The following TRMT11 variants were observed in gnomAD, a reference collection of about 807,000 sequenced individuals.
TRMT11 encodes tRNA methyltransferase 11, also known as tRNA (guanine(10)-N(2))-methyltransferase TRMT11.
A neutral mutation model predicts 62.8 loss-of-function variants in TRMT11; 53 were observed. The ratio of observed to expected loss-of-function variants is 0.84; its 90% CI spans 0.68 to 1.06. TRMT11 has a LOEUF of 1.06. Among genes scored for constraint, TRMT11 ranks in the 50% least tolerant of loss-of-function variants. The probability of loss-of-function intolerance (pLI) is 0.00; values close to 1 mark genes in which losing one functional copy is unlikely to be tolerated. For synonymous variants in TRMT11, 188 were observed against 190.3 expected, an observed-to-expected ratio of 0.99 and a Z score of 0.10; for missense variants, 556 against 553.4, an observed-to-expected ratio of 1.00 and a Z score of -0.05.
the TRMT11 span, among the ~76,000 whole-genome samples, chr6:126,233,068 G>A: frequency 1.3e-5 from 2 of 152,104 alleles, no homozygotes; most frequent in African/African-American, 4.8e-5. Flanking sequence ...AGAAGACAAT[G>A]TGGGAAGACA....
At chr6:126,256,794 T>G in the TRMT11 span, among the ~76,000 whole-genome samples, 4 of 152,290 alleles carry the variant, frequency 2.6e-5, no homozygotes, top group South Asian at 8.3e-4. Context: ...CTTTACTCCC[T>G]AGGTTCTTTT....
At chr6:126,251,511 T>C in the TRMT11 span, among the ~76,000 whole-genome samples, 1 of 152,202 alleles carries the variant, frequency 6.6e-6, no homozygotes, top group African/African-American at 2.4e-5. Context: ...AATTTTGAAG[T>C]ATACAATACA....
intron 17 of TRMT11, among the ~76,000 whole-genome samples, chr6:126,067,548 G>A (rs1193469632): frequency 6.6e-6 from 1 of 152,162 alleles, no homozygotes; most frequent in Non-Finnish European, 1.5e-5. Flanking sequence ...TTTACTGTGT[G>A]ACTATACTGT....
intron 17 of TRMT11, among the ~76,000 whole-genome samples, chr6:126,075,388 T>C (rs1776991661): frequency 1.3e-5 from 2 of 152,034 alleles, no homozygotes; most frequent in Non-Finnish European, 2.9e-5. Flanking sequence ...TGGGAGGTGA[T>C]TGGATCATGG....
At chr6:126,075,186 ACT>A (rs1464263681) in intron 17 of TRMT11, among the ~76,000 whole-genome samples, 1 of 152,068 alleles carries the variant, frequency 6.6e-6, no homozygotes, top group East Asian at 1.9e-4. Context: ...ACTGCTTTTC[ACT>A]CTCTTATTAA....
intron 3 of TRMT11, 68 bp downstream of exon 3, chr6:125,996,108 T>C: frequency 8.8e-7 from 1 of 1,134,362 alleles, no homozygotes; most frequent in Non-Finnish European, 1.3e-6. Context: ...ATCCTGTTTT[T>C]TGCTATATTG....
At chr6:126,165,570 G>C in intron 21 of TRMT11, among the ~76,000 whole-genome samples, 1 of 152,120 alleles carries the variant, frequency 6.6e-6, no homozygotes. Context: ...TGAAATTCTG[G>C]GTTGAAAATT....
intron 17 of TRMT11, among the ~76,000 whole-genome samples, chr6:126,063,134 T>C (rs1481995173): frequency 6.6e-6 from 1 of 152,214 alleles, no homozygotes; most frequent in Non-Finnish European, 1.5e-5. Context: ...CATATAGTTA[T>C]CTCTGAGTAG....
At chr6:126,258,831 A>C in the TRMT11 span, among the ~76,000 whole-genome samples, 1 of 152,026 alleles carries the variant, frequency 6.6e-6, no homozygotes, top group African/African-American at 2.4e-5. Flanking sequence ...TCTTTTTAAA[A>C]ATTAAAATTT....
chr6:126,143,020 G>A (rs1777936179), intron 21 of TRMT11, among the ~76,000 whole-genome samples: 1 of 151,982 alleles, frequency 6.6e-6, no homozygotes, highest in Admixed American at 6.6e-5. Flanking sequence ...GAAAATATTA[G>A]TTCAGGCACT....
chr6:126,002,201 T>C (rs1367890981), intron 7 of TRMT11, among the ~76,000 whole-genome samples: 4 of 152,190 alleles, frequency 2.6e-5, no homozygotes, highest in African/African-American at 7.2e-5. Context: ...ATATACACAA[T>C]ATGCATGTAA....
intron 21 of TRMT11, among the ~76,000 whole-genome samples, chr6:126,138,171 T>C (rs1209571876): frequency 6.6e-6 from 1 of 151,976 alleles, no homozygotes; most frequent in Non-Finnish European, 1.5e-5. Context: ...GTTCAATTAC[T>C]CTGACTTGAT....
At chr6:126,267,076 G>T in the TRMT11 span, among the ~76,000 whole-genome samples, 3 of 152,126 alleles carry the variant, frequency 2.0e-5, no homozygotes, top group Admixed American at 6.5e-5. Flanking sequence ...ACATGGGTCT[G>T]CCCATTGCTA....
At chr6:126,150,546 A>G (rs1044848165) in intron 21 of TRMT11, among the ~76,000 whole-genome samples, 1 of 152,188 alleles carries the variant, frequency 6.6e-6, no homozygotes, top group Non-Finnish European at 1.5e-5. Flanking sequence ...GAGTCTAGCT[A>G]GTAGCAGGTG....
chr6:126,241,743 A>C, the TRMT11 span, among the ~76,000 whole-genome samples: 1 of 152,242 alleles, frequency 6.6e-6, no homozygotes, highest in Admixed American at 6.5e-5. Context: ...GAAATACAAC[A>C]ATGCTTCATA....
intron 21 of TRMT11, among the ~76,000 whole-genome samples, chr6:126,167,626 A>G (rs1778283567): frequency 6.6e-6 from 1 of 152,220 alleles, no homozygotes; most frequent in Non-Finnish European, 1.5e-5. Context: ...CTTATCTAAA[A>G]AATAAAGTAT....
intron 12 of TRMT11, among the ~76,000 whole-genome samples, chr6:126,032,105 T>TAAAC (rs1222928115): frequency 1.3e-5 from 2 of 152,088 alleles, no homozygotes; most frequent in Non-Finnish European, 2.9e-5. Context: ...TTCTTGTATA[T>TAAAC]GTTTTTATTC....
the TRMT11 span, among the ~76,000 whole-genome samples, chr6:126,216,565 C>G: frequency 3.3e-5 from 5 of 152,248 alleles, no homozygotes; most frequent in African/African-American, 4.8e-5. Context: ...TGTCATGCCT[C>G]TCTCTCCTGG....
the TRMT11 span, among the ~76,000 whole-genome samples, chr6:126,227,532 G>C: frequency 1.3e-5 from 2 of 152,126 alleles, no homozygotes; most frequent in Non-Finnish European, 2.9e-5. Context: ...AATATTTGCC[G>C]ATTTAACCAT....
Sources: allele counts gnomAD v4.1 joint callset (sites outside exome capture counted in the v4.1 genomes callset), GRCh38; gene constraint gnomAD v4.1.1; transcripts MANE v1.5; gene names NCBI Gene and HGNC (gene_info 2026-07-23, HGNC 2026-07-21).